Variants in ANKDD1B observed in about 807,000 individuals in gnomAD.
ANKDD1B encodes the protein ankyrin repeat and death domain-containing protein 1B.
Under a neutral mutation model 59.7 loss-of-function variants are expected in ANKDD1B, and 57 were observed. The observed-to-expected ratio is 0.95, with a 90% CI of 0.77 to 1.19. The LOEUF (loss-of-function observed/expected upper bound fraction) is 1.19. ANKDD1B is among the 50% of genes most tolerant of loss of function. The pLI, the probability that ANKDD1B is intolerant of heterozygous loss-of-function variation, is 0.00. For synonymous variants in ANKDD1B, 216 were observed against 239.5 expected, an observed-to-expected ratio of 0.90 and a Z score of 0.91; for missense variants, 602 against 641.9, an observed-to-expected ratio of 0.94 and a Z score of 0.67.
chr5:75,626,452 T>C (rs1392411132), intron 5 of ANKDD1B, among the ~76,000 whole-genome samples: 1 of 152,214 alleles, frequency 6.6e-6, no homozygotes, highest in East Asian at 1.9e-4. Flanking sequence ...AGGAAAGCTA[T>C]TTACATACAT....
Position 75,625,905 on chromosome 5 carries a change from G to T in ANKDD1B, c.550G>T (p.Glu184Ter). 6.5e-7 allele frequency: 1 copy of T among 1,536,218 alleles called. No homozygotes were observed. The highest frequency in any genetic ancestry group is 8.7e-7 in the Non-Finnish European group (1 of 1,146,914). The change falls in exon 5 of 14, where the codon GAG becomes TAG. Residue 184 changes from glutamate to a stop codon, truncating the protein, a stop_gained. Transcript: ENST00000601380. LOFTEE classifies it high-confidence loss of function. ...ATQSNHVRIV[E>*]YLIQDLHLKD... ...TCAGAGCAATCATGTGCGCATCGTG[G>T]AGTATCTTATTCAAGATCTGCACCT...
chr5:75,616,869 C>G lies in ANKDD1B; in HGVS notation c.259C>G (p.Leu87Val), dbSNP rs763172727. The G allele has an allele frequency of 3.9e-6, 6 of 1,531,146 alleles. No individual in the cohort carries two copies. In the East Asian group the frequency reaches 1.5e-4, roughly 37 times the overall value. 94.8% of individuals were successfully genotyped at this position (1,531,146 alleles called of 1,614,324 possible). Residue 87 changes from leucine (L) to valine (V), a missense_variant, in exon 2 of 14, where the codon CTG becomes GTG. Coordinates refer to ENST00000601380, the MANE Select transcript of ANKDD1B (RefSeq NM_001276713.2). The part of the protein sequence containing the change: ...KSNNLDLMEK[L>V]FEKKVNINVV... The stretch of plus-strand genomic sequence containing the variant: ...CAATAATTTGGATCTTATGGAGAAG[C>G]TGTTTGAAAAGAAGGTTAACATTAA...
rs147741569 is a variant in ANKDD1B, at chr5:75,625,832, C to T, written c.496-19C>T. 7 of 1,532,844 alleles carry T rather than the reference C, an allele frequency of 4.6e-6. No homozygotes were observed. The highest frequency in any genetic ancestry group is 5.2e-6 in the Non-Finnish European group (6 of 1,143,800). The allele number at this position is 1,532,844 out of a possible 1,614,324, so 95.0% of individuals were successfully genotyped here. A position where few individuals can be genotyped will look rare whatever the true frequency, so the allele number is the denominator to read the frequency against. ...TTCTGAGGTCACTGTCTATCTCCCC[C>T]ACCCCTGGTTCTCTTCAGGATGGAA... is the stretch of plus-strand genomic sequence containing the variant. On this transcript the variant is annotated intron_variant, in intron 4 of 13. Transcript: ENST00000601380.
chr5:75,666,898 C>G lies in ANKDD1B; in HGVS notation c.1298C>G (p.Ala433Gly). The change falls in exon 12 of 14, where the codon GCT (alanine) becomes GGT (glycine). Residue 433 changes from alanine to glycine, a missense_variant. This residue lies in a region of ANKDD1B where 280 missense variants were observed against 319.8 expected (regional missense o/e 0.88). Transcript: ENST00000601380. ...RHIRTLLWDL[A>G]YHQLKANEWQ... The stretch of plus-strand genomic sequence containing the variant: ...ATTCGCACGCTTCTCTGGGACCTGG[C>G]TTACCATCAGCTGAAGGCCAATGAG... 6.5e-7 allele frequency: 1 copy of G among 1,534,100 alleles called. No individual in the cohort carries two copies. The highest frequency in any genetic ancestry group is 2.4e-5 in the East Asian group (1 of 40,906).
At chr5:75,668,718 G>A (rs1353939758) in intron 12 of ANKDD1B, among the ~76,000 whole-genome samples, 7 of 152,214 alleles carry the variant, frequency 4.6e-5, no homozygotes, top group African/African-American at 1.7e-4. Flanking sequence ...TTTATCAAAT[G>A]AATAATCCTG....
chr5:75,670,475 T>A (rs1410809791), intron 13 of ANKDD1B, among the ~76,000 whole-genome samples: 2 of 152,240 alleles, frequency 1.3e-5, no homozygotes, highest in Non-Finnish European at 2.9e-5. Context: ...CAGAAATTGA[T>A]GATTCGGATG....
chr5:75,650,828 C>T (rs1368832857), intron 7 of ANKDD1B, among the ~76,000 whole-genome samples: 2 of 152,146 alleles, frequency 1.3e-5, no homozygotes, highest in Non-Finnish European at 2.9e-5. Context: ...GTTGACTGGG[C>T]TCAGCTGAGA....
chr5:75,639,155 A>G (rs115637146), intron 7 of ANKDD1B, among the ~76,000 whole-genome samples: 9 of 152,116 alleles, frequency 5.9e-5, no homozygotes, highest in African/African-American at 1.9e-4. Context: ...TCCTGGAAAA[A>G]TGAGAAGAAA....
chr5:75,638,417 A>G (rs563016991), intron 7 of ANKDD1B, among the ~76,000 whole-genome samples: 9 of 152,252 alleles, frequency 5.9e-5, no homozygotes, highest in African/African-American at 2.2e-4. Flanking sequence ...TCCTGATACA[A>G]GCTGTTGCCA....
intron 7 of ANKDD1B, among the ~76,000 whole-genome samples, chr5:75,648,793 G>A (rs564938714): frequency 6.6e-6 from 1 of 152,284 alleles, no homozygotes; most frequent in South Asian, 2.1e-4. Flanking sequence ...ACACGAGCCC[G>A]GGATGGGTTG....
intron 5 of ANKDD1B, among the ~76,000 whole-genome samples, chr5:75,627,778 G>C (rs10074747): frequency 0.12 from 18,873 of 152,138 alleles, 1,272 homozygotes; most frequent in South Asian, 0.23. Context: ...ATGGTAGTGT[G>C]TGGGAAGGAT....
At chr5:75,622,764 A>G (rs1253249262) in intron 3 of ANKDD1B, among the ~76,000 whole-genome samples, 1 of 152,118 alleles carries the variant, frequency 6.6e-6, no homozygotes, top group Non-Finnish European at 1.5e-5. Flanking sequence ...TGTGAGTGTA[A>G]TTTGTGACAC....
Position 75,625,967 on chromosome 5 carries a change from T to G in ANKDD1B, c.600+12T>G, listed in dbSNP as rs750085090. ...ACCAGCCTGATGAGGTGTGTTCACT[T>G]TGGTTGTGTAGGTCTTGCATACACC... is the stretch of plus-strand genomic sequence containing the variant. On this transcript the variant is annotated intron_variant, in intron 5 of 13. Coordinates refer to ENST00000601380, the MANE Select transcript of ANKDD1B (RefSeq NM_001276713.2). The G allele has an allele frequency of 2.8e-5, 42 of 1,525,272 alleles. No individual in the cohort carries two copies. The highest frequency in any genetic ancestry group is 3.5e-5 in the Non-Finnish European group (40 of 1,137,258). 94.5% of individuals were successfully genotyped at this position (1,525,272 alleles called of 1,614,324 possible).
chr5:75,653,021 G>A (rs553641424), intron 7 of ANKDD1B, 121 bp from the exon 8 acceptor site: 3 of 710,728 alleles, frequency 4.2e-6, no homozygotes, highest in Non-Finnish European at 7.3e-6. Context: ...TCACTGTTAA[G>A]TGATGCACGA....
intron 8 of ANKDD1B, among the ~76,000 whole-genome samples, chr5:75,655,599 ACCTCCT>A (rs1442430147): frequency 1.3e-5 from 2 of 151,678 alleles, no homozygotes; most frequent in African/African-American, 4.9e-5. Context: ...GTCTTTTCTG[ACCTCCT>A]GAAAGGTCAG....
chr5:75,650,648 A>T (rs1486625893), intron 7 of ANKDD1B, among the ~76,000 whole-genome samples: 1 of 152,190 alleles, frequency 6.6e-6, no homozygotes, highest in Non-Finnish European at 1.5e-5. Flanking sequence ...CAGGCCACAT[A>T]TCCAAGGTCA....
At chr5:75,654,049 C>T (rs1433332087) in intron 8 of ANKDD1B, among the ~76,000 whole-genome samples, 1 of 152,130 alleles carries the variant, frequency 6.6e-6, no homozygotes, top group Non-Finnish European at 1.5e-5. Context: ...GGAGGTTATT[C>T]CTGAGCAGAA....
chr5:75,650,774 G>A (rs1289805232), intron 7 of ANKDD1B, among the ~76,000 whole-genome samples: 1 of 152,178 alleles, frequency 6.6e-6, no homozygotes, highest in Non-Finnish European at 1.5e-5. Flanking sequence ...CCAAAGCTCA[G>A]TGGCTTAAAA....
chr5:75,657,200 G>C (rs1775000769), intron 9 of ANKDD1B, among the ~76,000 whole-genome samples: 1 of 152,184 alleles, frequency 6.6e-6, no homozygotes, highest in Non-Finnish European at 1.5e-5. Context: ...TATTGGTTTT[G>C]ACAGAACTGG....
Sources: gnomAD v4.1 joint callset for allele counts (sites outside exome capture counted in the v4.1 genomes callset) on GRCh38, gnomAD v4.1.1 for gene constraint, gnomAD v4.1.1 regional missense constraint, MANE v1.5 for transcripts, NCBI Gene and HGNC (gene_info 2026-07-23, HGNC 2026-07-21) for gene names.